PDE10A: variants seen among roughly 807,000 people sequenced by gnomAD.
PDE10A encodes the protein cAMP and cAMP-inhibited cGMP 3',5'-cyclic phosphodiesterase 10A.
In PDE10A, 39 loss-of-function variants were observed where a neutral mutation model predicts 97.7. The observed-to-expected ratio is 0.40, with a 90% confidence interval of 0.31 to 0.52. The LOEUF (loss-of-function observed/expected upper bound fraction) is 0.52, where lower values mean the gene tolerates loss of function less well. Ranked by LOEUF, PDE10A falls within the 20% of genes least tolerant of loss-of-function variation. PDE10A has a pLI of 0.56. For missense variants in PDE10A, 731 were observed against 1,047.8 expected, an observed-to-expected ratio of 0.70 and a Z score of 4.17; for synonymous variants, 371 against 376.8, an observed-to-expected ratio of 0.98 and a Z score of 0.18.
chr6:165,568,207 G>A (rs1330867324), intron 1 of PDE10A, among the ~76,000 whole-genome samples: 2 of 151,908 alleles, frequency 1.3e-5, no homozygotes, highest in Non-Finnish European at 2.9e-5. Flanking sequence ...CACCATGTTA[G>A]ACACGATGGT....
chr6:165,739,034 G>T (rs1454502468), intron 1 of PDE10A, among the ~76,000 whole-genome samples: 1 of 152,160 alleles, frequency 6.6e-6, no homozygotes, highest in East Asian at 1.9e-4. Flanking sequence ...TCATAGACTG[G>T]AAGAATTAAT....
At chr6:165,435,200 G>A in intron 6 of PDE10A, 37 bp downstream of exon 6, 1 of 1,552,408 alleles carries the variant, frequency 6.4e-7, no homozygotes, top group Non-Finnish European at 8.8e-7. Flanking sequence ...AAATACTTTA[G>A]GTCAAAAGTG....
intron 2 of PDE10A, among the ~76,000 whole-genome samples, chr6:165,485,325 G>A (rs150343013): frequency 0.049 from 7,483 of 151,830 alleles, 261 homozygotes; most frequent in South Asian, 0.091. Context: ...AAAATTAGCC[G>A]GGCATGGTGG....
intron 1 of PDE10A, among the ~76,000 whole-genome samples, chr6:165,571,806 A>G (rs1354776113): frequency 6.6e-6 from 1 of 152,240 alleles, no homozygotes; most frequent in African/African-American, 2.4e-5. Context: ...ACTTGCTGAC[A>G]CTATAGCTGT....
At chr6:165,528,694 C>A (rs745572911) in intron 2 of PDE10A, among the ~76,000 whole-genome samples, 16 of 152,260 alleles carry the variant, frequency 1.1e-4, no homozygotes, top group Non-Finnish European at 2.4e-4. Context: ...TGCCTCTGAC[C>A]CAGGCACTCA....
At chr6:165,967,969 AC>A (rs1784560310) in intron 1 of PDE10A, among the ~76,000 whole-genome samples, 1 of 152,318 alleles carries the variant, frequency 6.6e-6, no homozygotes, top group East Asian at 1.9e-4. Context: ...TTAAACACAC[AC>A]AGAGCAGCTC....
chr6:165,954,212 A>C (rs1353266058), intron 1 of PDE10A, among the ~76,000 whole-genome samples: 6 of 152,234 alleles, frequency 3.9e-5, no homozygotes, highest in South Asian at 4.1e-4. Flanking sequence ...TGCTATAAAC[A>C]TTATTTTGCA....
intron 1 of PDE10A, among the ~76,000 whole-genome samples, chr6:165,548,736 A>G (rs1475121717): frequency 6.6e-6 from 1 of 152,136 alleles, no homozygotes; most frequent in Non-Finnish European, 1.5e-5. Context: ...TTCTTCATTT[A>G]TTAGCTGAAA....
At chr6:165,540,043 C>A (rs919203589) in intron 2 of PDE10A, among the ~76,000 whole-genome samples, 6 of 152,136 alleles carry the variant, frequency 3.9e-5, no homozygotes, top group African/African-American at 7.2e-5. Flanking sequence ...GCAAATGTAG[C>A]GACCCTCAGG....
chr6:165,340,765 A>G (rs1450931549), intron 19 of PDE10A, among the ~76,000 whole-genome samples: 1 of 152,170 alleles, frequency 6.6e-6, no homozygotes, highest in African/African-American at 2.4e-5. Context: ...GGGAACAAAG[A>G]CCTAAATGGC....
intron 1 of PDE10A, among the ~76,000 whole-genome samples, chr6:165,621,937 C>T (rs1788159719): frequency 2.0e-5 from 3 of 152,118 alleles, no homozygotes; most frequent in African/African-American, 4.8e-5. Flanking sequence ...GAACACCAGT[C>T]TAGATGGTGC....
intron 1 of PDE10A, among the ~76,000 whole-genome samples, chr6:165,704,075 C>T (rs558461840): frequency 2.6e-4 from 39 of 152,172 alleles, no homozygotes; most frequent in Non-Finnish European, 5.4e-4. Context: ...CAACTGCAGC[C>T]GTGCCACGTA....
At chr6:165,471,393 T>A (rs1445435140) in intron 3 of PDE10A, among the ~76,000 whole-genome samples, 1 of 152,294 alleles carries the variant, frequency 6.6e-6, no homozygotes, top group East Asian at 1.9e-4. Flanking sequence ...GGTTCTTAAA[T>A]CATCATATTA....
intron 1 of PDE10A, among the ~76,000 whole-genome samples, chr6:165,792,420 G>T (rs912813732): frequency 2.8e-5 from 4 of 140,924 alleles, no homozygotes; most frequent in Non-Finnish European, 6.3e-5. Flanking sequence ...AGAGGGCCCG[G>T]GGTAGCCAAA....
chr6:165,710,591 A>C (rs1216022570), intron 1 of PDE10A, among the ~76,000 whole-genome samples: 1 of 152,208 alleles, frequency 6.6e-6, no homozygotes, highest in Admixed American at 6.5e-5. Context: ...AAGTTCCAAT[A>C]ATCCCATTTC....
intron 1 of PDE10A, among the ~76,000 whole-genome samples, chr6:165,698,387 A>G (rs1791489973): frequency 6.6e-6 from 1 of 152,256 alleles, no homozygotes; most frequent in Non-Finnish European, 1.5e-5. Flanking sequence ...ACACATAAGA[A>G]AAGAACAGGC....
At chr6:165,682,572 T>C (rs1377946158) in intron 1 of PDE10A, among the ~76,000 whole-genome samples, 4 of 152,110 alleles carry the variant, frequency 2.6e-5, no homozygotes, top group Non-Finnish European at 5.9e-5. Context: ...GAGGCCCCCT[T>C]TGCCTCTCTG....
At chr6:165,445,859 T>G (rs1292362368) in intron 5 of PDE10A, among the ~76,000 whole-genome samples, 1 of 151,066 alleles carries the variant, frequency 6.6e-6, no homozygotes, top group African/African-American at 2.4e-5. Flanking sequence ...GAGTATCCAT[T>G]TAAGAGGCCC....
intron 18 of PDE10A, among the ~76,000 whole-genome samples, chr6:165,362,053 G>A (rs577752409): frequency 6.6e-6 from 1 of 152,072 alleles, no homozygotes; most frequent in South Asian, 2.1e-4. Context: ...AGTAGTTAGA[G>A]GAAAATTTAG....
Sources: gnomAD v4.1 joint callset for allele counts (sites outside exome capture counted in the v4.1 genomes callset) on GRCh38, gnomAD v4.1.1 for gene constraint, MANE v1.5 for transcripts, NCBI Gene and HGNC (gene_info 2026-07-23, HGNC 2026-07-21) for gene names.